MACROD2: variants seen among roughly 807,000 people sequenced by gnomAD.
MACROD2 encodes ADP-ribose glycohydrolase MACROD2.
A neutral mutation model predicts 70.4 loss-of-function variants in MACROD2; 36 were observed. The ratio of observed to expected loss-of-function variants is 0.51; its 90% CI spans 0.39 to 0.68. The LOEUF is 0.68. Ranked by LOEUF, MACROD2 falls within the 30% of genes least tolerant of loss-of-function variation. The pLI is 0.00. For missense variants in MACROD2, 496 were observed against 538.4 expected, an observed-to-expected ratio of 0.92 and a Z score of 0.78; for synonymous variants, 172 against 178.8, an observed-to-expected ratio of 0.96 and a Z score of 0.30.
At chr20:15,636,059 G>A (rs527768618) in intron 8 of MACROD2, among the ~76,000 whole-genome samples, 13 of 82,860 alleles carry the variant, frequency 1.6e-4, no homozygotes, top group Non-Finnish European at 2.7e-4. Context: ...GCGACAGAGC[G>A]AGGCTCCCTC....
At chr20:14,531,286 G>A (rs2085300602) in intron 4 of MACROD2, among the ~76,000 whole-genome samples, 1 of 152,140 alleles carries the variant, frequency 6.6e-6, no homozygotes, top group African/African-American at 2.4e-5. Context: ...CTGGATTCAG[G>A]GTGGGCTTAA....
chr20:15,249,943 A>C (rs1338050187), intron 6 of MACROD2, among the ~76,000 whole-genome samples: 1 of 152,250 alleles, frequency 6.6e-6, no homozygotes, highest in African/African-American at 2.4e-5. Context: ...ACTTTTAAAA[A>C]TAGGTACTGA....
intron 5 of MACROD2, among the ~76,000 whole-genome samples, chr20:15,227,825 T>TTTTTTTTG (rs1479180869): frequency 1.8e-5 from 2 of 109,936 alleles, no homozygotes; most frequent in Non-Finnish European, 3.9e-5. Context: ...TTTCACCTGT[T>TTTTTTTTG]TTTTTTTTTT....
chr20:14,022,275 GTAT>G (rs2053094343), intron 2 of MACROD2, among the ~76,000 whole-genome samples: 2 of 151,860 alleles, frequency 1.3e-5, no homozygotes, highest in African/African-American at 4.8e-5. Context: ...TTAGAATAAA[GTAT>G]TATTTCTTTC....
chr20:14,797,180 C>G (rs1661630885), intron 5 of MACROD2, among the ~76,000 whole-genome samples: 1 of 152,080 alleles, frequency 6.6e-6, no homozygotes, highest in African/African-American at 2.4e-5. Context: ...CATCACTATT[C>G]ACCTAGACTG....
chr20:15,160,659 A>G (rs147598635), intron 5 of MACROD2, among the ~76,000 whole-genome samples: 2 of 152,208 alleles, frequency 1.3e-5, no homozygotes, highest in East Asian at 3.9e-4. Context: ...ATCTGCCCCC[A>G]GTGCTTTTCA....
chr20:14,655,049 T>G (rs1211003614), intron 4 of MACROD2, among the ~76,000 whole-genome samples: 1 of 152,176 alleles, frequency 6.6e-6, no homozygotes, highest in African/African-American at 2.4e-5. Context: ...ATTGTAAGAC[T>G]GTTAAATATT....
At chr20:14,055,093 C>T (rs2053616592) in intron 2 of MACROD2, among the ~76,000 whole-genome samples, 3 of 152,074 alleles carry the variant, frequency 2.0e-5, no homozygotes, top group African/African-American at 4.8e-5. Context: ...TATTTATGGA[C>T]TTACTCATCT....
In MACROD2 at chr20:15,897,081, C is replaced by A. The variant is rs73614480; in HGVS notation, c.775+11270C>A. 2.6e-3 allele frequency among the ~76,000 whole-genome samples: 396 copies of A among 152,240 alleles called. 1 individual carries two copies. The highest frequency in any genetic ancestry group is 0.023 in the South Asian group (113 of 4,830). ...AATAAAGCATACTTTTCTCACACTTCTTCCTTTGTCTTTCAGAAGTAAATT... is the reference window on the plus strand; with the variant it reads ...AATAAAGCATACTTTTCTCACACTTATTCCTTTGTCTTTCAGAAGTAAATT... On this transcript the variant is annotated intron_variant, in intron 10 of 17. Coordinates refer to ENST00000684519, the MANE Select transcript of MACROD2 (RefSeq NM_001351661.2).
At chr20:14,419,345 T>C (rs6042723) in intron 3 of MACROD2, among the ~76,000 whole-genome samples, 147,486 of 152,310 alleles carry the variant, frequency 0.97, 71,604 homozygotes, top group East Asian at 1. Context: ...TGATCCACTA[T>C]GCCCAGCTAG....
intron 2 of MACROD2, among the ~76,000 whole-genome samples, chr20:14,066,805 A>AT (rs34648174): frequency 0.4 from 41,443 of 104,216 alleles, 9,427 homozygotes; most frequent in South Asian, 0.54. Context: ...TGTTTTAGTG[A>AT]TTTTTTTTTT....
At chr20:14,605,026 T>A (rs147973353) in intron 4 of MACROD2, among the ~76,000 whole-genome samples, 1 of 152,238 alleles carries the variant, frequency 6.6e-6, no homozygotes, top group Non-Finnish European at 1.5e-5. Context: ...ACTTGTATAT[T>A]TGACTCTTAC....
rs1188923837 is a variant in MACROD2, at chr20:14,023,477, G to A, written c.163+21073G>A. Among the ~76,000 whole-genome samples, 6 of 152,184 alleles carry A rather than the reference G, an allele frequency of 3.9e-5. No individual in the cohort carries two copies. In the South Asian group the frequency reaches 8.3e-4, roughly 21 times the overall value. On this transcript the variant is annotated intron_variant, in intron 2 of 17. Coordinates refer to ENST00000684519, the MANE Select transcript of MACROD2 (RefSeq NM_001351661.2). ...TTTTAGTTATGAAGCCTTTGCCCAT[G>A]CCTATGTCCTGAATGGTATTCTTCT...
At chr20:14,865,770 G>A (rs963151209) in intron 5 of MACROD2, among the ~76,000 whole-genome samples, 2 of 152,068 alleles carry the variant, frequency 1.3e-5, no homozygotes, top group African/African-American at 4.8e-5. Flanking sequence ...CTGAAATAAA[G>A]CTTCTTTTGC....
chr20:14,540,333 A>G (rs1482070586), intron 4 of MACROD2, among the ~76,000 whole-genome samples: 3 of 152,198 alleles, frequency 2.0e-5, no homozygotes, highest in Non-Finnish European at 2.9e-5. Context: ...ATGTCAAGGC[A>G]AGAAGCAGTA....
In MACROD2 at chr20:14,009,856, A is replaced by T. The variant is rs538979408; in HGVS notation, c.163+7452A>T. On this transcript the variant is annotated intron_variant, in intron 2 of 17. Transcript: ENST00000684519. ...GAGCTGGAAGCCATTATGCTCGACA[A>T]ACTCTAACGCAGTAACAGAAAACCA... Among the ~76,000 whole-genome samples the T allele has an allele frequency of 2.0e-4, 30 of 152,250 alleles. 1 individual carries two copies. In the South Asian group the frequency reaches 6.2e-3, roughly 32 times the overall value.
intron 7 of MACROD2, among the ~76,000 whole-genome samples, chr20:15,468,653 C>T (rs980949107): frequency 3.9e-5 from 6 of 152,138 alleles, no homozygotes; most frequent in Non-Finnish European, 8.8e-5. Context: ...ACACACTTTG[C>T]CTTTTGTGTG....
At chr20:14,702,498 T>C (rs1471145102) in intron 5 of MACROD2, among the ~76,000 whole-genome samples, 1 of 150,044 alleles carries the variant, frequency 6.7e-6, no homozygotes, top group Non-Finnish European at 1.5e-5. Flanking sequence ...CCTCATGGTG[T>C]ATGGGCTGTA....
chr20:15,182,887 C>A (rs2076510048), intron 5 of MACROD2, among the ~76,000 whole-genome samples: 1 of 152,132 alleles, frequency 6.6e-6, no homozygotes, highest in Non-Finnish European at 1.5e-5. Flanking sequence ...TAAACATGTA[C>A]AGACAGGTAC....
Sources: allele counts gnomAD v4.1 joint callset (sites outside exome capture counted in the v4.1 genomes callset), GRCh38; gene constraint gnomAD v4.1.1; transcripts MANE v1.5; gene names NCBI Gene and HGNC (gene_info 2026-07-23, HGNC 2026-07-21).